WWOX: variants seen among roughly 807,000 people sequenced by gnomAD.
The protein encoded by WWOX is WW domain containing oxidoreductase.
In WWOX, 69 loss-of-function variants were observed where a neutral mutation model predicts 46.2. That is an observed-to-expected ratio of 1.49 (90% CI 1.23 to 1.82). The LOEUF (loss-of-function observed/expected upper bound fraction) is 1.82. WWOX is among the 40% of genes most tolerant of loss of function. WWOX has a pLI of 0.00. For synonymous variants in WWOX, 359 were observed against 202.6 expected (o/e 1.77, Z -6.56); for missense variants, 919 against 542.6 (o/e 1.69, Z -6.89).
chr16:78,634,434 G>A (rs1214353516), intron 8 of WWOX, among the ~76,000 whole-genome samples: 2 of 152,164 alleles, frequency 1.3e-5, no homozygotes, highest in Non-Finnish European at 2.9e-5. Context: ...ACAGCCGGGC[G>A]CAGTGGCTCA....
intron 5 of WWOX, chr16:78,264,599 G>GC (rs1327259589): frequency 6.6e-6 from 1 of 152,306 alleles, no homozygotes; most frequent in African/African-American, 2.4e-5. Context: ...TTGCAGCACT[G>GC]CAGAGGGGTG....
intron 8 of WWOX, among the ~76,000 whole-genome samples, chr16:78,661,934 C>T (rs1362934770): frequency 6.6e-6 from 1 of 152,126 alleles, no homozygotes; most frequent in East Asian, 1.9e-4. Context: ...GTCTGAGCTA[C>T]TCAGGAGGAT....
intron 5 of WWOX, among the ~76,000 whole-genome samples, chr16:78,238,357 T>C (rs1326195515): frequency 1.3e-5 from 2 of 152,148 alleles, no homozygotes. Flanking sequence ...TGGAGTGCAG[T>C]AGTGTGTTCA....
intron 8 of WWOX, among the ~76,000 whole-genome samples, chr16:79,102,490 A>G (rs969622735): frequency 5.3e-5 from 8 of 152,234 alleles, no homozygotes; most frequent in Non-Finnish European, 1.0e-4. Flanking sequence ...TGTCTGTCGC[A>G]TTTACCAAAC....
At chr16:78,169,074 A>G (rs531400766) in intron 5 of WWOX, among the ~76,000 whole-genome samples, 1 of 152,326 alleles carries the variant, frequency 6.6e-6, no homozygotes, top group South Asian at 2.1e-4. Flanking sequence ...TTAAATAAAG[A>G]AAACGGGGCA....
At chr16:78,870,838 GCA>G (rs1352577104) in intron 8 of WWOX, among the ~76,000 whole-genome samples, 1 of 152,170 alleles carries the variant, frequency 6.6e-6, no homozygotes, top group East Asian at 1.9e-4. Context: ...CTGAGCTTAG[GCA>G]GTCTGCCCAC....
intron 3 of WWOX, among the ~76,000 whole-genome samples, chr16:78,110,339 CAAAA>C (rs34862048): frequency 4.0e-4 from 34 of 85,668 alleles, no homozygotes; most frequent in African/African-American, 1.6e-3. Context: ...GACTCCTTCT[CAAAA>C]AAAAAAAAAA....
At chr16:78,916,219 A>G (rs369156368) in intron 8 of WWOX, among the ~76,000 whole-genome samples, 1 of 152,210 alleles carries the variant, frequency 6.6e-6, no homozygotes, top group East Asian at 1.9e-4. Flanking sequence ...AGGAAGCGAC[A>G]TGTTAACAAA....
intron 5 of WWOX, among the ~76,000 whole-genome samples, chr16:78,331,990 C>A (rs1396396440): frequency 2.0e-5 from 3 of 152,132 alleles, no homozygotes; most frequent in Non-Finnish European, 4.4e-5. Flanking sequence ...TCAAGCAGTA[C>A]ATCAGAGCCG....
chr16:78,360,792 TATTTA>T (rs1357824375), intron 5 of WWOX, among the ~76,000 whole-genome samples: 1 of 150,630 alleles, frequency 6.6e-6, no homozygotes, highest in Non-Finnish European at 1.5e-5. Flanking sequence ...TGCCACATTA[TATTTA>T]ATTGTTGTAT....
chr16:78,423,064 T>G (rs2082989816), intron 6 of WWOX, among the ~76,000 whole-genome samples: 1 of 151,808 alleles, frequency 6.6e-6, no homozygotes, highest in African/African-American at 2.4e-5. Flanking sequence ...TTTTGTATTT[T>G]TAGTAGAGAT....
At chr16:78,858,583 C>T (rs939436996) in intron 8 of WWOX, among the ~76,000 whole-genome samples, 1 of 152,010 alleles carries the variant, frequency 6.6e-6, no homozygotes, top group Non-Finnish European at 1.5e-5. Context: ...CTTCTATCAC[C>T]AGCACGGAGT....
intron 8 of WWOX, among the ~76,000 whole-genome samples, chr16:78,563,684 T>A (rs995008001): frequency 2.6e-5 from 4 of 152,186 alleles, no homozygotes; most frequent in Non-Finnish European, 5.9e-5. Flanking sequence ...ATCTGATTCA[T>A]TAATATCCCT....
At chr16:79,202,316 T>C (rs767720258) in intron 8 of WWOX, among the ~76,000 whole-genome samples, 2 of 152,124 alleles carry the variant, frequency 1.3e-5, no homozygotes, top group Non-Finnish European at 2.9e-5. Context: ...TCAGTCTCCG[T>C]ATTGTTGAGA....
At chr16:78,304,093 T>G (rs1052205625) in intron 5 of WWOX, among the ~76,000 whole-genome samples, 9 of 152,220 alleles carry the variant, frequency 5.9e-5, no homozygotes, top group African/African-American at 1.9e-4. Flanking sequence ...ATAGCTTCGG[T>G]GCTCCTTCTC....
chr16:78,828,846 T>C (rs1265775362), intron 8 of WWOX, among the ~76,000 whole-genome samples: 1 of 152,208 alleles, frequency 6.6e-6, no homozygotes, highest in African/African-American at 2.4e-5. Context: ...CCACTGTCTT[T>C]TGAGCAGCAT....
intron 5 of WWOX, among the ~76,000 whole-genome samples, chr16:78,369,849 A>G (rs1024508138): frequency 6.6e-6 from 1 of 151,952 alleles, no homozygotes; most frequent in East Asian, 1.9e-4. Context: ...TGGAAACCAT[A>G]AGGGCACGCA....
chr16:78,195,859 C>T (rs72806816), intron 5 of WWOX, among the ~76,000 whole-genome samples: 1 of 141,636 alleles, frequency 7.1e-6, no homozygotes, highest in Non-Finnish European at 1.5e-5. Context: ...AAAGATTGAA[C>T]ATGTGGAATA....
At chr16:78,830,095 C>T (rs1311855386) in intron 8 of WWOX, among the ~76,000 whole-genome samples, 1 of 151,894 alleles carries the variant, frequency 6.6e-6, no homozygotes, top group Non-Finnish European at 1.5e-5. Context: ...GGGAGACCCT[C>T]ATCTCTATAA....
Sources: gnomAD v4.1 joint callset for allele counts (sites outside exome capture counted in the v4.1 genomes callset) on GRCh38, gnomAD v4.1.1 for gene constraint, MANE v1.5 for transcripts, NCBI Gene and HGNC (gene_info 2026-07-23, HGNC 2026-07-21) for gene names.